FILIP1L: variants seen among roughly 807,000 people sequenced by gnomAD.
FILIP1L encodes filamin A interacting protein 1 like, also known as filamin A-interacting protein 1-like.
FILIP1L carries 55 observed loss-of-function variants against 96.6 expected under a neutral mutation model. That is an observed-to-expected ratio of 0.57 (90% CI 0.46 to 0.71). The LOEUF is 0.71. FILIP1L is among the 30% of genes least tolerant of loss of function. The probability of loss-of-function intolerance (pLI) is 0.00; values close to 1 mark genes in which losing one functional copy is unlikely to be tolerated. For missense variants in FILIP1L, 1,304 were observed against 1,321.2 expected (o/e 0.99, Z 0.20); for synonymous variants, 467 against 473.9 (o/e 0.99, Z 0.19).
At position 99,931,035 on chromosome 3, in the gene FILIP1L, A is replaced by G; in HGVS notation, c.-10-5T>C. 2 of 1,608,128 alleles carry G rather than the reference A, an allele frequency of 1.2e-6. No individual in the cohort carries two copies. Among genetic ancestry groups the G allele is most frequent in the Admixed American group, 3.4e-5 (2 of 58,988 alleles). Reference sequence around the variant, plus strand: ...CTGGAACGCATTCTTTAAAGCCTGGAAGGAGGGAAGAAAATTTGTAAAGCT... The same window carrying G: ...CTGGAACGCATTCTTTAAAGCCTGGGAGGAGGGAAGAAAATTTGTAAAGCT... On this transcript the variant is annotated splice_region_variant and splice_polypyrimidine_tract_variant and intron_variant, in intron 1 of 5. Transcript: ENST00000477258.
At chr3:100,055,095 A>G (rs2065442108) in intron 1 of FILIP1L, among the ~76,000 whole-genome samples, 1 of 152,124 alleles carries the variant, frequency 6.6e-6, no homozygotes, top group Admixed American at 6.5e-5. Context: ...CTCCTGCCTC[A>G]GACTCTTACC....
At chr3:99,857,490 C>T (rs940531823) in intron 4 of FILIP1L, among the ~76,000 whole-genome samples, 2 of 152,202 alleles carry the variant, frequency 1.3e-5, no homozygotes, top group African/African-American at 4.8e-5. Flanking sequence ...TTTATGTTTT[C>T]CTCAGAGTCC....
intron 1 of FILIP1L, among the ~76,000 whole-genome samples, chr3:99,961,534 A>G (rs987753351): frequency 3.9e-5 from 6 of 152,194 alleles, no homozygotes; most frequent in African/African-American, 1.4e-4. Flanking sequence ...GAACCCATCC[A>G]GTGACGTGCA....
At chr3:99,970,787 A>G (rs1040976565) in intron 1 of FILIP1L, among the ~76,000 whole-genome samples, 2 of 152,246 alleles carry the variant, frequency 1.3e-5, no homozygotes, top group Non-Finnish European at 2.9e-5. Flanking sequence ...AAGACCTTAA[A>G]CATTATACTA....
At chr3:99,896,201 G>A (rs1236683718) in intron 4 of FILIP1L, among the ~76,000 whole-genome samples, 1 of 152,196 alleles carries the variant, frequency 6.6e-6, no homozygotes, top group Non-Finnish European at 1.5e-5. Flanking sequence ...ATACATAAAG[G>A]GAGTAGGTCA....
intron 1 of FILIP1L, among the ~76,000 whole-genome samples, chr3:100,053,504 C>G (rs1027945478): frequency 6.6e-6 from 1 of 152,198 alleles, no homozygotes; most frequent in Non-Finnish European, 1.5e-5. Context: ...CATGAGGACA[C>G]CAGTCACTGG....
At chr3:100,021,448 C>A (rs2064815531) in intron 1 of FILIP1L, among the ~76,000 whole-genome samples, 1 of 152,098 alleles carries the variant, frequency 6.6e-6, no homozygotes, top group Non-Finnish European at 1.5e-5. Flanking sequence ...AGAGGAGGAA[C>A]CCTTCCCGGA....
At position 99,983,442 on chromosome 3, in the gene FILIP1L, G is replaced by A. The variant is rs10936017; in HGVS notation, c.-10-52412C>T. Among the ~76,000 whole-genome samples, 79 of 11,932 alleles carry A rather than the reference G, an allele frequency of 6.6e-3. 1 individual carries two copies. Among genetic ancestry groups the A allele is most frequent in the Middle Eastern group, 0.05 (1 of 20 alleles). 7.8% of individuals were successfully genotyped at this position (11,932 alleles called of 152,430 possible). On this transcript the variant is annotated intron_variant, in intron 1 of 5. Transcript: ENST00000477258. ...TATGTATGTATGTATGTATATATAT[G>A]TATGTATATATATATATGTGTGTAT...
intron 1 of FILIP1L, among the ~76,000 whole-genome samples, chr3:99,946,651 G>A (rs1235584333): frequency 3.3e-5 from 5 of 152,170 alleles, no homozygotes; most frequent in African/African-American, 9.7e-5. Context: ...TTCAGTACAA[G>A]TTACCATGCA....
intron 1 of FILIP1L, among the ~76,000 whole-genome samples, chr3:100,084,264 C>T (rs1043501088): frequency 2.6e-5 from 4 of 152,080 alleles, no homozygotes; most frequent in Admixed American, 2.0e-4. Flanking sequence ...TTAAAAGTCC[C>T]TTTTAGTCTC....
At chr3:100,071,248 A>G (rs1425538873) in intron 1 of FILIP1L, among the ~76,000 whole-genome samples, 1 of 152,140 alleles carries the variant, frequency 6.6e-6, no homozygotes, top group Non-Finnish European at 1.5e-5. Context: ...TACTCACTTC[A>G]TCTCCTGAGA....
At chr3:99,854,703 G>A (rs793443) in intron 4 of FILIP1L, among the ~76,000 whole-genome samples, 87,561 of 151,876 alleles carry the variant, frequency 0.58, 25,438 homozygotes, top group East Asian at 0.72. Context: ...GTCACCTCCA[G>A]TTGAGAACTA....
intron 1 of FILIP1L, among the ~76,000 whole-genome samples, chr3:99,980,074 G>A (rs1380649532): frequency 6.6e-6 from 1 of 152,154 alleles, no homozygotes; most frequent in Admixed American, 6.5e-5. Flanking sequence ...GGAAATTAGA[G>A]GGTGTGCCTT....
chr3:99,972,165 G>A (rs1317036193), intron 1 of FILIP1L, among the ~76,000 whole-genome samples: 3 of 152,182 alleles, frequency 2.0e-5, no homozygotes, highest in South Asian at 2.1e-4. Context: ...TGTGGGGAAA[G>A]ATGTCATTCA....
At chr3:100,016,297 AT>A (rs760957540) in intron 1 of FILIP1L, among the ~76,000 whole-genome samples, 7 of 152,098 alleles carry the variant, frequency 4.6e-5, no homozygotes, top group Non-Finnish European at 8.8e-5. Flanking sequence ...GGTTCAAGTG[AT>A]TCTCCTGCCT....
chr3:99,965,047 C>G (rs970762976), intron 1 of FILIP1L, among the ~76,000 whole-genome samples: 2 of 151,998 alleles, frequency 1.3e-5, no homozygotes, highest in African/African-American at 2.4e-5. Flanking sequence ...ATTATGATAC[C>G]TTATAAAGTT....
chr3:100,088,106 C>T (rs919438829), intron 1 of FILIP1L, among the ~76,000 whole-genome samples: 2 of 152,124 alleles, frequency 1.3e-5, no homozygotes, highest in African/African-American at 4.8e-5. Context: ...GCTGGGATTA[C>T]AGGCATGAGC....
rs1944448267 is a variant in FILIP1L at position 99,865,059 on chromosome 3, C to T, written c.606-13989G>A. Reference sequence around the variant, plus strand: ...CCTCTTCTATTTTTGAAATAGGTACCATATTTGAAAGCATGGGTATAACTA... The same window carrying T: ...CCTCTTCTATTTTTGAAATAGGTACTATATTTGAAAGCATGGGTATAACTA... On this transcript the variant is annotated intron_variant, in intron 4 of 5. Coordinates refer to ENST00000477258, the MANE Select transcript of FILIP1L (RefSeq NM_001387850.1). Among the ~76,000 whole-genome samples the T allele has an allele frequency of 2.6e-5, 4 of 152,006 alleles. No homozygotes were observed. In the South Asian group the frequency reaches 6.2e-4, roughly 24 times the overall value.
At position 99,930,890 on chromosome 3, in the gene FILIP1L, G is replaced by A. The variant is rs775003975; in HGVS notation, c.131C>T (p.Ser44Leu). 48 of 1,613,146 alleles carry A rather than the reference G, an allele frequency of 3.0e-5. No homozygotes were observed. The highest frequency in any genetic ancestry group is 1.6e-4 in the Middle Eastern group (1 of 6,084). ...CTTGGGACACGGAAGTATTACATCC[G>A]ACTCACTGGGGGAGTCTTTGTCTTG... ...RQQDKDSPSE[S>L]DVILPCPKAE... Residue 44 changes from serine to leucine, a missense_variant, in exon 2 of 6, where the codon TCG becomes TTG. Physicochemically the swap from Ser to Leu is moderately radical, Grantham distance 145. Coordinates refer to ENST00000477258, the MANE Select transcript of FILIP1L (RefSeq NM_001387850.1).
Sources: gnomAD v4.1 joint callset for allele counts (sites outside exome capture counted in the v4.1 genomes callset) on GRCh38, gnomAD v4.1.1 for gene constraint, MANE v1.5 for transcripts, NCBI Gene and HGNC (gene_info 2026-07-23, HGNC 2026-07-21) for gene names.